Variants in ARSG observed in about 807,000 individuals in gnomAD.
ARSG encodes ASG.
A neutral mutation model predicts 50.5 loss-of-function variants in ARSG; 37 were observed. That is an observed-to-expected ratio of 0.73 (90% CI 0.56 to 0.96). The LOEUF is 0.96. Ranked by LOEUF, ARSG falls within the 50% of genes least tolerant of loss-of-function variation. The pLI is 0.00. For missense variants in ARSG, 629 were observed against 675.3 expected (o/e 0.93, Z 0.76); for synonymous variants, 225 against 254.6 (o/e 0.88, Z 1.11).
intron 9 of ARSG, among the ~76,000 whole-genome samples, chr17:68,389,366 T>G (rs902979123): frequency 1.3e-5 from 2 of 152,088 alleles, no homozygotes; most frequent in African/African-American, 4.8e-5. Context: ...TGCTGGCTTC[T>G]AAGAGGGACT....
At chr17:68,351,839 T>A (rs917431654) in intron 5 of ARSG, among the ~76,000 whole-genome samples, 153 bp downstream of exon 5, 1 of 152,160 alleles carries the variant, frequency 6.6e-6, no homozygotes, top group Admixed American at 6.5e-5. Flanking sequence ...AAATGTGTTA[T>A]TTGCAGGGAG....
At chr17:68,435,740 A>G in the ARSG span, 19 of 1,605,062 alleles carry the variant, frequency 1.2e-5, no homozygotes, top group South Asian at 2.1e-4. Context: ...AAATGGATAC[A>G]GATGCTGCGG....
chr17:68,283,992 G>A (rs2075783323), intron 1 of ARSG, among the ~76,000 whole-genome samples: 1 of 151,300 alleles, frequency 6.6e-6, no homozygotes, highest in Non-Finnish European at 1.5e-5. Flanking sequence ...CCAGGAGGCT[G>A]AGGCACGAGA....
intron 8 of ARSG, among the ~76,000 whole-genome samples, chr17:68,374,274 G>T (rs2080031122): frequency 6.6e-6 from 1 of 152,108 alleles, no homozygotes; most frequent in South Asian, 2.1e-4. Context: ...TCTTGGGCCA[G>T]GCTGTCATCT....
intron 11 of ARSG, among the ~76,000 whole-genome samples, chr17:68,408,685 C>T (rs1222740900): frequency 6.6e-6 from 1 of 152,068 alleles, no homozygotes; most frequent in Non-Finnish European, 1.5e-5. Context: ...TTCTAGATCC[C>T]TGAGGAATCG....
chr17:68,304,365 A>G (rs1259073273), intron 1 of ARSG, among the ~76,000 whole-genome samples: 3 of 152,256 alleles, frequency 2.0e-5, no homozygotes, highest in Non-Finnish European at 4.4e-5. Context: ...TTGAGATAAT[A>G]CATCTCCTTT....
At chr17:68,354,052 T>C (rs34402376) in intron 5 of ARSG, among the ~76,000 whole-genome samples, 75,260 of 146,040 alleles carry the variant, frequency 0.52, 19,741 homozygotes, top group Admixed American at 0.58. Context: ...TTCAATCCTG[T>C]TCCTTCTGTA....
At chr17:68,328,723 G>A (rs1289798256) in intron 2 of ARSG, among the ~76,000 whole-genome samples, 1 of 152,142 alleles carries the variant, frequency 6.6e-6, no homozygotes, top group Non-Finnish European at 1.5e-5. Context: ...ACAAAGGGAG[G>A]GATGTCCAGT....
chr17:68,337,694 C>T (rs1298360015), intron 2 of ARSG, among the ~76,000 whole-genome samples: 3 of 152,046 alleles, frequency 2.0e-5, no homozygotes, highest in South Asian at 2.1e-4. Flanking sequence ...CTCAGCTCAC[C>T]GCGACCTCTG....
In ARSG at chr17:68,367,932, T is replaced by C. The variant is rs1286596795; in HGVS notation, c.705-616T>C. ...CTAAAAATACAAAATTAGACGGGCA[T>C]GGGGGTGGGCACCTGTAATTCCAGC... On this transcript the variant is annotated intron_variant, in intron 6 of 11. Transcript: ENST00000621439. The surrounding 1 kb of genome is among the most constrained non-coding windows in gnomAD (Gnocchi z 4.5). Among the ~76,000 whole-genome samples, 1 of 152,002 alleles carries C rather than the reference T, an allele frequency of 6.6e-6. No homozygotes were observed. Among genetic ancestry groups the C allele is most frequent in the Non-Finnish European group, 1.5e-5 (1 of 67,986 alleles).
intron 11 of ARSG, among the ~76,000 whole-genome samples, chr17:68,414,461 G>A (rs2082244595): frequency 6.6e-6 from 1 of 152,146 alleles, no homozygotes; most frequent in Non-Finnish European, 1.5e-5. Flanking sequence ...TAGCATCTAT[G>A]TTCATGAGGG....
intron 9 of ARSG, among the ~76,000 whole-genome samples, chr17:68,394,602 C>T (rs1010596971): frequency 1.3e-5 from 2 of 152,020 alleles, no homozygotes; most frequent in Non-Finnish European, 2.9e-5. Flanking sequence ...CACTGCACTC[C>T]AGCCTGGATG....
intron 8 of ARSG, among the ~76,000 whole-genome samples, chr17:68,377,294 T>C (rs2080198543): frequency 6.6e-6 from 1 of 152,242 alleles, no homozygotes; most frequent in South Asian, 2.1e-4. Flanking sequence ...TGGCTCATTC[T>C]CCAAGTCACG....
At chr17:68,445,734 G>A in the ARSG span, among the ~76,000 whole-genome samples, 5 of 152,246 alleles carry the variant, frequency 3.3e-5, no homozygotes, top group Non-Finnish European at 7.3e-5. Flanking sequence ...CCCAGTACAA[G>A]GGCAGACATC....
chr17:68,353,800 C>A (rs2078908410), intron 5 of ARSG, among the ~76,000 whole-genome samples: 2 of 152,186 alleles, frequency 1.3e-5, no homozygotes, highest in Non-Finnish European at 2.9e-5. Flanking sequence ...CTCCCAGGTT[C>A]AAGTGATTTT....
intron 5 of ARSG, among the ~76,000 whole-genome samples, chr17:68,354,794 T>C (rs2078960639): frequency 6.7e-6 from 1 of 150,114 alleles, no homozygotes; most frequent in Non-Finnish European, 1.5e-5. Context: ...AAGATGGGAG[T>C]TTGAGGCTGC....
At position 68,324,178 on chromosome 17, in the gene ARSG, G is replaced by A. The variant is rs367846831; in HGVS notation, c.218+16467G>A. ...CCATTTGAATTCTCTTAGCATTAAC[G>A]AAGTCCACACTCACTAAGGCAAACT... On this transcript the variant is annotated intron_variant, in intron 2 of 11. Transcript: ENST00000621439. 9.3e-5 allele frequency among the ~76,000 whole-genome samples: 14 copies of A among 151,166 alleles called. No homozygotes were observed. The South Asian group carries it at 2.7e-3, about 29-fold the overall frequency.
intron 2 of ARSG, among the ~76,000 whole-genome samples, chr17:68,311,789 C>G (rs181378286): frequency 8.5e-4 from 127 of 149,554 alleles, no homozygotes; most frequent in African/African-American, 3.0e-3. Flanking sequence ...CTTTTAGCCT[C>G]CTGTACTGTA....
At chr17:68,401,475 G>A (rs2081470069) in intron 11 of ARSG, 25 bp downstream of exon 11, 3 of 1,606,852 alleles carry the variant, frequency 1.9e-6, no homozygotes, top group Non-Finnish European at 2.6e-6. Flanking sequence ...ACTTAGCCCT[G>A]CCTCCCACAG....
Sources: gnomAD v4.1 joint callset for allele counts (sites outside exome capture counted in the v4.1 genomes callset) on GRCh38, gnomAD v4.1.1 for gene constraint, Gnocchi (gnomAD v3.1) non-coding constraint, MANE v1.5 for transcripts, NCBI Gene and HGNC (gene_info 2026-07-23, HGNC 2026-07-21) for gene names.